Variants in ANO3 observed in about 807,000 individuals in gnomAD.
ANO3 encodes anoctamin 3.
A neutral mutation model predicts 144.8 loss-of-function variants in ANO3; 99 were observed. That is an observed-to-expected ratio of 0.68 (90% CI 0.58 to 0.81). The LOEUF (loss-of-function observed/expected upper bound fraction) is 0.81, where lower values mean the gene tolerates loss of function less well. Ranked by LOEUF, ANO3 falls within the 30% of genes least tolerant of loss-of-function variation. ANO3 has a pLI of 0.00. For missense variants in ANO3, 905 were observed against 1,202.2 expected, an observed-to-expected ratio of 0.75 and a Z score of 3.66; for synonymous variants, 414 against 392.6, an observed-to-expected ratio of 1.05 and a Z score of -0.64.
At chr11:26,479,901 A>G (rs1860143308) in intron 4 of ANO3, among the ~76,000 whole-genome samples, 1 of 152,184 alleles carries the variant, frequency 6.6e-6, no homozygotes, top group African/African-American at 2.4e-5. Context: ...ATCATGCAAC[A>G]TTAGGAAAAT....
At position 26,598,790 on chromosome 11, in the gene ANO3, CA is replaced by C. The variant is rs1027269880; in HGVS notation, c.1531-66del. ...TAGGCCAAATTTAGGAGTATCGTAT[CA>C]ATTCTTGGGGGTATGTTTTTTTAGT... On this transcript the variant is annotated intron_variant, in intron 15 of 26. Transcript: ENST00000256737. 3.5e-5 allele frequency: 53 copies of C among 1,504,626 alleles called. 1 individual carries two copies. The Admixed American group carries it at 8.0e-4, about 23-fold the overall frequency. The allele number at this position is 1,504,626 out of a possible 1,614,324, so 93.2% of individuals were successfully genotyped here.
intron 1 of ANO3, among the ~76,000 whole-genome samples, chr11:26,196,197 G>A (rs1851584660): frequency 6.6e-6 from 1 of 152,132 alleles, no homozygotes; most frequent in Non-Finnish European, 1.5e-5. Context: ...AGAGTGAATT[G>A]TGTTAATTGC....
chr11:26,374,114 C>T (rs1290446344), intron 1 of ANO3, among the ~76,000 whole-genome samples: 1 of 152,046 alleles, frequency 6.6e-6, no homozygotes, highest in Admixed American at 6.6e-5. Context: ...TTGTGTTTTC[C>T]AGGTCATATA....
At chr11:26,207,429 C>T (rs772898173) in intron 1 of ANO3, among the ~76,000 whole-genome samples, 15 of 152,122 alleles carry the variant, frequency 9.9e-5, no homozygotes, top group Non-Finnish European at 2.1e-4. Context: ...TTTGCATTCA[C>T]ATATTTCTAC....
At chr11:26,560,041 G>A (rs1850225588) in intron 14 of ANO3, 1 of 338,146 alleles carries the variant, frequency 3.0e-6, no homozygotes. Context: ...AAAGGAAGGT[G>A]GTAATTAAAA....
At chr11:26,470,555 C>T (rs929189213) in intron 4 of ANO3, among the ~76,000 whole-genome samples, 1 of 151,700 alleles carries the variant, frequency 6.6e-6, no homozygotes, top group Non-Finnish European at 1.5e-5. Context: ...AATAGTAATT[C>T]GTAATGCCCT....
intron 1 of ANO3, among the ~76,000 whole-genome samples, chr11:26,290,950 G>A (rs1169238867): frequency 6.6e-6 from 1 of 152,106 alleles, no homozygotes; most frequent in African/African-American, 2.4e-5. Context: ...GCTGAGTCAA[G>A]TCCTGGAAAT....
At chr11:26,389,701 A>G (rs1011153433) in intron 1 of ANO3, among the ~76,000 whole-genome samples, 6 of 152,096 alleles carry the variant, frequency 3.9e-5, no homozygotes, top group Non-Finnish European at 8.8e-5. Flanking sequence ...AATTTTGTCT[A>G]AAAGTTGAAT....
chr11:26,533,936 A>G (rs1326745497), intron 8 of ANO3, among the ~76,000 whole-genome samples: 2 of 152,208 alleles, frequency 1.3e-5, no homozygotes, highest in Admixed American at 1.3e-4. Flanking sequence ...TAAAGTAAAT[A>G]CTGAAACAGA....
chr11:26,596,916 A>G (rs1199331779), intron 14 of ANO3, among the ~76,000 whole-genome samples: 2 of 152,212 alleles, frequency 1.3e-5, no homozygotes, highest in Non-Finnish European at 2.9e-5. Flanking sequence ...TTGTGAAAGC[A>G]GAAGCTGGTT....
chr11:26,443,015 C>T (rs184402997), intron 2 of ANO3, among the ~76,000 whole-genome samples: 1,757 of 152,202 alleles, frequency 0.012, 17 homozygotes, highest in Non-Finnish European at 0.018. Flanking sequence ...CCACCTGCCT[C>T]GGCCTCCCAA....
intron 14 of ANO3, among the ~76,000 whole-genome samples, chr11:26,578,442 G>T (rs1031711922): frequency 3.9e-5 from 6 of 152,314 alleles, no homozygotes; most frequent in African/African-American, 1.4e-4. Context: ...GGGAGTCCCA[G>T]GTTTCAATTA....
At chr11:26,226,027 T>G (rs1852249619) in intron 1 of ANO3, among the ~76,000 whole-genome samples, 1 of 152,118 alleles carries the variant, frequency 6.6e-6, no homozygotes, top group South Asian at 2.1e-4. Flanking sequence ...GAGCAGTTTT[T>G]TGGGGGGTTA....
At chr11:26,600,288 TCTCCCCTTTCC>T (rs1851757565) in intron 17 of ANO3, among the ~76,000 whole-genome samples, 2 of 33,474 alleles carry the variant, frequency 6.0e-5, no homozygotes, top group Admixed American at 3.8e-4. Flanking sequence ...CCCCTTCCCC[TCTCCCCTTTCC>T]TCCCCTCTCC....
At chr11:26,349,853 T>A (rs1043927978) in intron 1 of ANO3, among the ~76,000 whole-genome samples, 1 of 152,112 alleles carries the variant, frequency 6.6e-6, no homozygotes, top group African/African-American at 2.4e-5. Context: ...CGGCCGAGAA[T>A]TGTTTTAAAG....
chr11:26,270,225 T>G (rs2133835483), intron 1 of ANO3, among the ~76,000 whole-genome samples: 1 of 152,360 alleles, frequency 6.6e-6, no homozygotes, highest in East Asian at 1.9e-4. Context: ...ACTGGAATAT[T>G]AATCTTTTAT....
intron 1 of ANO3, among the ~76,000 whole-genome samples, chr11:26,383,458 A>G (rs1232730983): frequency 6.8e-6 from 1 of 147,672 alleles, no homozygotes; most frequent in Non-Finnish European, 1.5e-5. Context: ...TGGTTCAACA[A>G]TCATGTTAGA....
At chr11:26,335,005 G>A (rs879123322) in intron 1 of ANO3, among the ~76,000 whole-genome samples, 35 of 152,220 alleles carry the variant, frequency 2.3e-4, no homozygotes, top group Admixed American at 7.8e-4. Context: ...ACCAATCCCC[G>A]ATCAAAATTG....
chr11:26,376,318 C>T (rs1287743244), intron 1 of ANO3, among the ~76,000 whole-genome samples: 1 of 151,908 alleles, frequency 6.6e-6, no homozygotes, highest in Admixed American at 6.6e-5. Context: ...CCCATTAATA[C>T]AAAATTGATT....
Sources: allele counts gnomAD v4.1 joint callset (sites outside exome capture counted in the v4.1 genomes callset), GRCh38; gene constraint gnomAD v4.1.1; transcripts MANE v1.5; gene names NCBI Gene and HGNC (gene_info 2026-07-23, HGNC 2026-07-21).